The following CPNE4 variants were observed in gnomAD, a reference collection of about 807,000 sequenced individuals.
The protein encoded by CPNE4 is copine-4.
CPNE4 carries 25 observed loss-of-function variants against 67.9 expected under a neutral mutation model. That is an observed-to-expected ratio of 0.37 (90% CI 0.27 to 0.51). The LOEUF (loss-of-function observed/expected upper bound fraction) is 0.51. CPNE4 is among the 20% of genes least tolerant of loss of function. The pLI is 0.93. For synonymous variants in CPNE4, 242 were observed against 244.9 expected (o/e 0.99, Z 0.11); for missense variants, 464 against 690.8 (o/e 0.67, Z 3.68).
At chr3:131,980,183 T>C (rs1338164044) in intron 1 of CPNE4, among the ~76,000 whole-genome samples, 1 of 152,146 alleles carries the variant, frequency 6.6e-6, no homozygotes, top group Admixed American at 6.5e-5. Flanking sequence ...TAGGTGAATA[T>C]CTTTTTGGAT....
intron 1 of CPNE4, among the ~76,000 whole-genome samples, chr3:131,952,584 C>G (rs1474548087): frequency 3.8e-5 from 3 of 79,638 alleles, no homozygotes; most frequent in South Asian, 3.6e-4. Flanking sequence ...GGGTCAGCAC[C>G]CCGCCCGGCC....
chr3:131,937,755 A>G (rs2071266944), intron 1 of CPNE4, among the ~76,000 whole-genome samples: 1 of 152,174 alleles, frequency 6.6e-6, no homozygotes, highest in African/African-American at 2.4e-5. Context: ...AATTTCTCAT[A>G]TAAAGCATCT....
chr3:131,921,721 G>C (rs2070744043), intron 1 of CPNE4, among the ~76,000 whole-genome samples: 1 of 152,100 alleles, frequency 6.6e-6, no homozygotes, highest in Admixed American at 6.5e-5. Context: ...TGCAGATATA[G>C]AGCATAGAGT....
chr3:132,015,352 C>G (rs1449066021), intron 1 of CPNE4, among the ~76,000 whole-genome samples: 1 of 152,126 alleles, frequency 6.6e-6, no homozygotes, highest in African/African-American at 2.4e-5. Flanking sequence ...TTACATTTAC[C>G]AGCAGGCATA....
At chr3:131,622,018 C>CAA (rs34415771) in intron 7 of CPNE4, among the ~76,000 whole-genome samples, 590 of 57,702 alleles carry the variant, frequency 0.01, 12 homozygotes, top group African/African-American at 0.027. Context: ...GACCCTGTCT[C>CAA]AAAAAAAAAA....
chr3:131,754,283 A>G (rs886643288), intron 2 of CPNE4, among the ~76,000 whole-genome samples: 1 of 152,148 alleles, frequency 6.6e-6, no homozygotes, highest in Non-Finnish European at 1.5e-5. Context: ...AGAAAAACCA[A>G]AAAGGTTATA....
intron 1 of CPNE4, among the ~76,000 whole-genome samples, chr3:132,030,046 G>GTTGAAAGTTGCTGATCACAGTTTA (rs2074204144): frequency 6.6e-6 from 1 of 151,636 alleles, no homozygotes; most frequent in East Asian, 2.0e-4. Context: ...ATATTGCACT[G>GTTGAAAGTTGCTGATCACAGTTTA]GCTCCAAGAG....
intron 7 of CPNE4, among the ~76,000 whole-genome samples, chr3:131,613,326 T>G (rs1054970194): frequency 6.6e-6 from 1 of 152,202 alleles, no homozygotes; most frequent in African/African-American, 2.4e-5. Context: ...TCCTTCTAGT[T>G]TCTTGTGGCT....
intron 2 of CPNE4, among the ~76,000 whole-genome samples, chr3:131,735,346 T>C (rs1583106192): frequency 6.6e-6 from 1 of 152,290 alleles, no homozygotes; most frequent in East Asian, 1.9e-4. Context: ...GTCCTCTAAA[T>C]GTGATGATTA....
At chr3:131,644,777 A>G (rs987694600) in intron 7 of CPNE4, among the ~76,000 whole-genome samples, 3 of 152,198 alleles carry the variant, frequency 2.0e-5, no homozygotes, top group Non-Finnish European at 4.4e-5. Flanking sequence ...GACTCTAGAT[A>G]AAATTAGCAG....
At chr3:131,651,225 G>T (rs557990986) in intron 7 of CPNE4, among the ~76,000 whole-genome samples, 96 of 152,230 alleles carry the variant, frequency 6.3e-4, no homozygotes, top group African/African-American at 2.2e-3. Context: ...CCACATATAT[G>T]CAGGGTCCTC....
intron 1 of CPNE4, among the ~76,000 whole-genome samples, chr3:132,016,900 A>T (rs549389978): frequency 6.6e-5 from 10 of 152,154 alleles, no homozygotes; most frequent in Non-Finnish European, 1.5e-4. Context: ...TGTGTACCTC[A>T]ATTCTTAAAT....
intron 1 of CPNE4, among the ~76,000 whole-genome samples, chr3:131,953,729 G>C (rs1329721056): frequency 6.6e-6 from 1 of 152,210 alleles, no homozygotes; most frequent in Admixed American, 6.5e-5. Context: ...AGAGTAGAAT[G>C]ATGCTTATCA....
At chr3:131,707,494 C>T in intron 3 of CPNE4, among the ~76,000 whole-genome samples, 1 of 152,162 alleles carries the variant, frequency 6.6e-6, no homozygotes, top group Non-Finnish European at 1.5e-5. Flanking sequence ...GGATTTAGGA[C>T]TCAGGGTATG....
intron 2 of CPNE4, among the ~76,000 whole-genome samples, chr3:131,743,807 C>CAA (rs561865830): frequency 6.8e-4 from 102 of 150,940 alleles, no homozygotes; most frequent in African/African-American, 2.3e-3. Flanking sequence ...ACTAAAAATA[C>CAA]AAAAAATTAG....
chr3:131,956,588 T>C (rs568947550), intron 1 of CPNE4, among the ~76,000 whole-genome samples: 2 of 107,110 alleles, frequency 1.9e-5, no homozygotes, highest in East Asian at 6.7e-4. Flanking sequence ...TATAGAAAAA[T>C]GTATATGTAT....
chr3:131,953,818 A>G (rs1207940534), intron 1 of CPNE4, among the ~76,000 whole-genome samples: 3 of 152,238 alleles, frequency 2.0e-5, no homozygotes, highest in African/African-American at 7.2e-5. Flanking sequence ...ATAAGTTCTT[A>G]CGTTTGATAG....
At chr3:131,764,711 G>A (rs2082966996) in intron 2 of CPNE4, among the ~76,000 whole-genome samples, 2 of 152,074 alleles carry the variant, frequency 1.3e-5, no homozygotes, top group African/African-American at 2.4e-5. Flanking sequence ...CAACTCAAAA[G>A]AAGAAGACTG....
intron 2 of CPNE4, among the ~76,000 whole-genome samples, chr3:131,888,223 T>A (rs938458627): frequency 5.9e-5 from 9 of 152,216 alleles, no homozygotes; most frequent in African/African-American, 2.2e-4. Flanking sequence ...GAAACTAGAT[T>A]AAGCAAATCT....
Sources: allele counts gnomAD v4.1 joint callset (sites outside exome capture counted in the v4.1 genomes callset), GRCh38; gene constraint gnomAD v4.1.1; transcripts MANE v1.5; gene names NCBI Gene and HGNC (gene_info 2026-07-23, HGNC 2026-07-21).